SH3RF3: variants seen among roughly 807,000 people sequenced by gnomAD.
SH3RF3 encodes SH3 domain containing ring finger 3.
SH3RF3 carries 29 observed loss-of-function variants against 66.3 expected under a neutral mutation model. The observed-to-expected ratio is 0.44, with a 90% CI of 0.33 to 0.60. The LOEUF is 0.60. Among genes scored for constraint, SH3RF3 ranks in the 20% least tolerant of loss-of-function variants. The probability of loss-of-function intolerance (pLI) is 0.04; values close to 1 mark genes in which losing one functional copy is unlikely to be tolerated. For synonymous variants in SH3RF3, 583 were observed against 532.0 expected (o/e 1.10, Z -1.32); for missense variants, 1,194 against 1,190.9 (o/e 1.00, Z -0.04).
intron 1 of SH3RF3, among the ~76,000 whole-genome samples, chr2:109,258,365 A>C (rs1680270106): frequency 6.6e-6 from 1 of 152,190 alleles, no homozygotes; most frequent in South Asian, 2.1e-4. Flanking sequence ...TGAGAGGACC[A>C]CAAACCCTAG....
chr2:109,194,093 C>T (rs1196944945), intron 1 of SH3RF3, among the ~76,000 whole-genome samples: 1 of 152,254 alleles, frequency 6.6e-6, no homozygotes, highest in African/African-American at 2.4e-5. Context: ...CTGATAAAAA[C>T]TCCCCAAGAC....
intron 1 of SH3RF3, among the ~76,000 whole-genome samples, chr2:109,143,753 GAAACA>G (rs202176477): frequency 7.6e-6 from 1 of 132,410 alleles, no homozygotes; most frequent in African/African-American, 2.5e-5. Context: ...CACCCTGTCT[GAAACA>G]AAACAAAACA....
chr2:109,201,796 AT>A (rs1198584384), intron 1 of SH3RF3, among the ~76,000 whole-genome samples: 1 of 152,152 alleles, frequency 6.6e-6, no homozygotes, highest in Non-Finnish European at 1.5e-5. Context: ...GTGGGTATAA[AT>A]GCTGCTCAGC....
intron 1 of SH3RF3, chr2:109,313,757 G>A (rs1280132130): frequency 6.5e-6 from 1 of 155,010 alleles, no homozygotes; most frequent in Non-Finnish European, 1.5e-5. Context: ...CGGTTTCTTT[G>A]TAGCGATGGG....
intron 1 of SH3RF3, among the ~76,000 whole-genome samples, chr2:109,269,531 A>T (rs534607982): frequency 6.6e-6 from 1 of 152,344 alleles, no homozygotes; most frequent in South Asian, 2.1e-4. Flanking sequence ...CTGTAATCCC[A>T]GCACTTTGGG....
Position 109,501,811 on chromosome 2 carries a change from TG to T in SH3RF3, c.*145del, listed in dbSNP as rs1441645854. 4.9e-6 allele frequency: 3 copies of T among 610,178 alleles called. No individual in the cohort carries two copies. The East Asian group carries it at 8.2e-5, about 17-fold the overall frequency. The allele number at this position is 610,178 out of a possible 1,614,324, so 37.8% of individuals were successfully genotyped here. On this transcript the variant is annotated 3_prime_UTR_variant, in exon 10 of 10. Coordinates refer to ENST00000309415, the MANE Select transcript of SH3RF3 (RefSeq NM_001099289.3). ...TGGCGGGGGATACCCTGGCCCAGGGTGGGGGCCAGGGACTGTGGAGGTCGTG... is the reference window on the plus strand; with the variant it reads ...TGGCGGGGGATACCCTGGCCCAGGGTGGGGCCAGGGACTGTGGAGGTCGTG...
At chr2:109,255,767 C>T (rs567391884) in intron 1 of SH3RF3, among the ~76,000 whole-genome samples, 4 of 152,350 alleles carry the variant, frequency 2.6e-5, no homozygotes, top group African/African-American at 9.6e-5. Context: ...TGAATCTCAG[C>T]TTCCTGATTT....
At chr2:109,495,883 T>C (rs980853713) in intron 9 of SH3RF3, among the ~76,000 whole-genome samples, 1 of 151,848 alleles carries the variant, frequency 6.6e-6, no homozygotes, top group Non-Finnish European at 1.5e-5. Flanking sequence ...TCACCTAGAT[T>C]AACACCAGAA....
chr2:109,460,529 A>G (rs941130415), intron 8 of SH3RF3, among the ~76,000 whole-genome samples: 1 of 152,206 alleles, frequency 6.6e-6, no homozygotes, highest in African/African-American at 2.4e-5. Context: ...CCACTGGGCA[A>G]TGACAGGAAT....
chr2:109,368,016 T>C (rs1385505129), intron 2 of SH3RF3, among the ~76,000 whole-genome samples: 2 of 152,276 alleles, frequency 1.3e-5, no homozygotes, highest in East Asian at 3.8e-4. Context: ...AAGGGGAATC[T>C]TCCTGTTTAA....
At chr2:109,399,072 G>A in intron 4 of SH3RF3, 129 bp downstream of exon 4, 1 of 1,122,012 alleles carries the variant, frequency 8.9e-7, no homozygotes, top group South Asian at 1.6e-5. Flanking sequence ...GGGGTTGAGT[G>A]GGGTTTGCCC....
At chr2:109,252,635 G>A (rs1680122784) in intron 1 of SH3RF3, among the ~76,000 whole-genome samples, 1 of 152,196 alleles carries the variant, frequency 6.6e-6, no homozygotes, top group South Asian at 2.1e-4. Flanking sequence ...AGTATCATAA[G>A]TTGAAAACGC....
In SH3RF3 at chr2:109,189,557, C is replaced by T. The variant is rs114676487; in HGVS notation, c.573+59444C>T. Among the ~76,000 whole-genome samples the T allele has an allele frequency of 6.5e-3, 982 of 151,820 alleles. 13 individuals carry two copies. The highest frequency in any genetic ancestry group is 0.041 in the South Asian group (196 of 4,796). On this transcript the variant is annotated intron_variant, in intron 1 of 9. Transcript: ENST00000309415. ...CTAATTTTTGTATTTTTAGTAGAAG[C>T]GGGGTTTCACTATATTGGAAAGGCT... is the stretch of plus-strand genomic sequence containing the variant.
At chr2:109,219,892 C>T (rs1394839221) in intron 1 of SH3RF3, among the ~76,000 whole-genome samples, 1 of 152,122 alleles carries the variant, frequency 6.6e-6, no homozygotes, top group Non-Finnish European at 1.5e-5. Flanking sequence ...ATCAAAACCC[C>T]AATGGCGTTT....
At chr2:109,336,400 C>G (rs900558711) in intron 1 of SH3RF3, among the ~76,000 whole-genome samples, 1 of 152,216 alleles carries the variant, frequency 6.6e-6, no homozygotes, top group African/African-American at 2.4e-5. Flanking sequence ...GATTGACTCA[C>G]TAGCATGCAA....
At position 109,311,508 on chromosome 2, in the gene SH3RF3, G is replaced by A. The variant is rs184482468; in HGVS notation, c.574-36166G>A. ...TTCTGGCCAGGGCAATTAGTCAGGA[G>A]AAGGAAATAAAGGGTATTCAATGAG... is the stretch of plus-strand genomic sequence containing the variant. On this transcript the variant is annotated intron_variant, in intron 1 of 9. Coordinates refer to ENST00000309415, the MANE Select transcript of SH3RF3 (RefSeq NM_001099289.3). 5.4e-3 allele frequency among the ~76,000 whole-genome samples: 824 copies of A among 151,434 alleles called. 7 individuals carry two copies. Among genetic ancestry groups the A allele is most frequent in the African/African-American group, 0.019 (782 of 41,172 alleles).
intron 1 of SH3RF3, among the ~76,000 whole-genome samples, chr2:109,339,291 G>A (rs1002617838): frequency 6.6e-6 from 1 of 151,860 alleles, no homozygotes; most frequent in Non-Finnish European, 1.5e-5. Flanking sequence ...GGGGGGGTGG[G>A]GGGTAACATG....
At chr2:109,450,983 G>GGC (rs1677851232) in intron 8 of SH3RF3, among the ~76,000 whole-genome samples, 1 of 152,182 alleles carries the variant, frequency 6.6e-6, no homozygotes, top group Non-Finnish European at 1.5e-5. Flanking sequence ...GCGCTGACTC[G>GGC]GCGGGCTCTC....
intron 7 of SH3RF3, 30 bp from the exon 8 acceptor site, chr2:109,449,140 A>C: frequency 6.2e-7 from 1 of 1,603,910 alleles, no homozygotes; most frequent in Non-Finnish European, 8.5e-7. Flanking sequence ...CTAACCTTTC[A>C]ACCTGCTGTC....
Sources: gnomAD v4.1 joint callset for allele counts (sites outside exome capture counted in the v4.1 genomes callset) on GRCh38, gnomAD v4.1.1 for gene constraint, MANE v1.5 for transcripts, NCBI Gene and HGNC (gene_info 2026-07-23, HGNC 2026-07-21) for gene names.